LAPTM4B: variants seen among roughly 807,000 people sequenced by gnomAD.
The protein encoded by LAPTM4B is lysosomal-associated transmembrane protein 4B.
Under a neutral mutation model 28.5 loss-of-function variants are expected in LAPTM4B, and 26 were observed. The observed-to-expected ratio is 0.91, with a 90% confidence interval of 0.67 to 1.27. LAPTM4B has a LOEUF of 1.27. Among genes scored for constraint, LAPTM4B ranks in the 50% most tolerant of loss-of-function variants. The pLI, the probability that LAPTM4B is intolerant of heterozygous loss-of-function variation, is 0.00. For missense variants in LAPTM4B, 288 were observed against 285.8 expected, an observed-to-expected ratio of 1.01 and a Z score of -0.06; for synonymous variants, 109 against 106.4, an observed-to-expected ratio of 1.02 and a Z score of -0.15.
chr8:97,821,773 G>T (rs1817007432), intron 5 of LAPTM4B, among the ~76,000 whole-genome samples: 1 of 152,104 alleles, frequency 6.6e-6, no homozygotes, highest in Admixed American at 6.6e-5. Flanking sequence ...TTGTAGTGCG[G>T]CAGGGCAGCC....
At chr8:97,780,862 T>TTTA (rs1563598664) in intron 1 of LAPTM4B, among the ~76,000 whole-genome samples, 2 of 152,110 alleles carry the variant, frequency 1.3e-5, no homozygotes, top group South Asian at 4.1e-4. Flanking sequence ...ACTTCAGGTA[T>TTTA]TTATTATTAT....
intron 6 of LAPTM4B, among the ~76,000 whole-genome samples, chr8:97,833,661 A>G (rs1225264337): frequency 6.6e-6 from 1 of 152,156 alleles, no homozygotes; most frequent in East Asian, 1.9e-4. Flanking sequence ...ATTTGGATCT[A>G]GAGGCTTTTT....
chr8:97,847,111 A>G (rs1817445749), intron 6 of LAPTM4B, among the ~76,000 whole-genome samples: 1 of 152,214 alleles, frequency 6.6e-6, no homozygotes, highest in Admixed American at 6.5e-5. Context: ...AATAGAAGAG[A>G]CATTATATAT....
At position 97,815,230 on chromosome 8, in the gene LAPTM4B, G is replaced by A. The variant is rs1050120792; in HGVS notation, c.212-98G>A. 14 of 848,074 alleles carry A rather than the reference G, an allele frequency of 1.7e-5. No individual in the cohort carries two copies. The African/African-American group carries it at 1.7e-4, about 10-fold the overall frequency. The allele number at this position is 848,074 out of a possible 1,614,324, so 52.5% of individuals were successfully genotyped here. ...TAAAGTATTTACTAACTTTATGCTA[G>A]TTTATTTACAAAATGCCTTTGAGAA... On this transcript the variant is annotated intron_variant, in intron 2 of 6. Transcript: ENST00000521545.
intron 1 of LAPTM4B, among the ~76,000 whole-genome samples, chr8:97,796,599 G>T (rs1415329101): frequency 6.6e-6 from 1 of 152,156 alleles, no homozygotes; most frequent in Admixed American, 6.6e-5. Flanking sequence ...GTATGTTGTA[G>T]TGCTTTTTAC....
At chr8:97,845,891 CCCCT>C (rs1817425802) in intron 6 of LAPTM4B, among the ~76,000 whole-genome samples, 1 of 101,314 alleles carries the variant, frequency 9.9e-6, no homozygotes, top group African/African-American at 3.6e-5. Flanking sequence ...CCCCTCCCCT[CCCCT>C]CCCCTCCCCT....
At chr8:97,802,921 C>T (rs2129765808) in intron 1 of LAPTM4B, among the ~76,000 whole-genome samples, 1 of 152,156 alleles carries the variant, frequency 6.6e-6, no homozygotes, top group South Asian at 2.1e-4. Flanking sequence ...GTTATTCCGG[C>T]CAGGCACGGT....
chr8:97,795,445 G>C (rs914512647), intron 1 of LAPTM4B, among the ~76,000 whole-genome samples: 1 of 152,112 alleles, frequency 6.6e-6, no homozygotes, highest in Non-Finnish European at 1.5e-5. Flanking sequence ...TTACATAAAA[G>C]GACGTAAAAT....
chr8:97,776,248 C>G lies in LAPTM4B; in HGVS notation c.99+140C>G, dbSNP rs978588053. ...ATTAGAAACTTAATTCTCCGGGTGC[C>G]GCGTCCGCACTTCCCCCGGCTGGGC... On this transcript the variant is annotated intron_variant, in intron 1 of 6. Transcript: ENST00000521545. 3 of 1,086,674 alleles carry G rather than the reference C, an allele frequency of 2.8e-6. No homozygotes were observed. In the South Asian group the frequency reaches 5.9e-5, roughly 22 times the overall value. 67.3% of individuals were successfully genotyped at this position (1,086,674 alleles called of 1,614,324 possible). A position where few individuals can be genotyped will look rare whatever the true frequency, so the allele number is the denominator to read the frequency against.
intron 4 of LAPTM4B, 52 bp downstream of exon 4, chr8:97,816,232 C>A (rs746081008): frequency 6.4e-7 from 1 of 1,559,110 alleles, no homozygotes; most frequent in South Asian, 1.2e-5. Flanking sequence ...ATTAGGGAAG[C>A]TGGTTAAGTA....
chr8:97,805,340 T>C lies in LAPTM4B; in HGVS notation c.100-13T>C. ...ACTTAAATTCTTTTTTTTTTTTTTT[T>C]TTCTTGTTGCAGATCATCAATGCTG... On this transcript the variant is annotated splice_polypyrimidine_tract_variant and intron_variant, in intron 1 of 6. Coordinates refer to ENST00000521545, the MANE Select transcript of LAPTM4B (RefSeq NM_018407.6). 1 of 1,344,666 alleles carries C rather than the reference T, an allele frequency of 7.4e-7. No individual in the cohort carries two copies. The highest frequency in any genetic ancestry group is 1.0e-6 in the Non-Finnish European group (1 of 959,830). 83.3% of individuals were successfully genotyped at this position (1,344,666 alleles called of 1,614,324 possible).
At chr8:97,805,601 G>T in intron 2 of LAPTM4B, 137 bp downstream of exon 2, 1 of 637,544 alleles carries the variant, frequency 1.6e-6, no homozygotes, top group East Asian at 2.7e-5. Flanking sequence ...GAATATTTGT[G>T]TGCGTCTAAC....
chr8:97,804,194 A>G (rs1420965483), intron 1 of LAPTM4B, among the ~76,000 whole-genome samples: 1 of 150,354 alleles, frequency 6.7e-6, no homozygotes, highest in Non-Finnish European at 1.5e-5. Flanking sequence ...AGCCTGGGCA[A>G]TATAGACACC....
chr8:97,777,746 T>A (rs1189905256), intron 1 of LAPTM4B, among the ~76,000 whole-genome samples: 1 of 152,222 alleles, frequency 6.6e-6, no homozygotes, highest in Non-Finnish European at 1.5e-5. Context: ...AGATGGAACA[T>A]CAGCATATTA....
intron 1 of LAPTM4B, among the ~76,000 whole-genome samples, chr8:97,781,305 G>GTTTTTTTTTT (rs1816308995): frequency 2.7e-5 from 1 of 37,560 alleles, no homozygotes; most frequent in African/African-American, 1.3e-4. Context: ...TTTTTGAGGA[G>GTTTTTTTTTT]TTTTGCTCTT....
chr8:97,777,935 A>G (rs1205024103), intron 1 of LAPTM4B, among the ~76,000 whole-genome samples: 2 of 152,242 alleles, frequency 1.3e-5, no homozygotes, highest in Admixed American at 1.3e-4. Flanking sequence ...CAAGTACATC[A>G]GAGAACGTAA....
chr8:97,808,337 C>G (rs1330845406), intron 2 of LAPTM4B, among the ~76,000 whole-genome samples: 2 of 151,974 alleles, frequency 1.3e-5, no homozygotes, highest in Non-Finnish European at 2.9e-5. Context: ...ATCCCAGCTA[C>G]TCAGGAGGCT....
intron 1 of LAPTM4B, among the ~76,000 whole-genome samples, chr8:97,791,553 C>T (rs952300462): frequency 3.3e-5 from 5 of 152,118 alleles, no homozygotes; most frequent in Non-Finnish European, 5.9e-5. Flanking sequence ...TGTGGCAGAT[C>T]GTTTTGCACG....
chr8:97,819,116 TA>T, intron 4 of LAPTM4B, 23 bp from the exon 5 acceptor site: 1 of 1,375,210 alleles, frequency 7.3e-7, no homozygotes. Flanking sequence ...TGAGATTTGC[TA>T]ATGAGGCCCT....
Sources: allele counts gnomAD v4.1 joint callset (sites outside exome capture counted in the v4.1 genomes callset), GRCh38; gene constraint gnomAD v4.1.1; transcripts MANE v1.5; gene names NCBI Gene and HGNC (gene_info 2026-07-23, HGNC 2026-07-21).